The following EVA1A variants were observed in gnomAD, a reference collection of about 807,000 sequenced individuals.
EVA1A encodes the protein eva-1 homolog A, regulator of programmed cell death, also known as protein eva-1 homolog A.
Under a neutral mutation model 9.8 loss-of-function variants are expected in EVA1A, and 7 were observed. The observed-to-expected ratio is 0.71, with a 90% CI of 0.41 to 1.34. EVA1A has a LOEUF of 1.34. Ranked by LOEUF, EVA1A falls within the 40% of genes most tolerant of loss-of-function variation. EVA1A has a pLI of 0.01. For missense variants in EVA1A, 206 were observed against 205.9 expected, an observed-to-expected ratio of 1.00 and a Z score of 0.00; for synonymous variants, 90 against 85.6, an observed-to-expected ratio of 1.05 and a Z score of -0.28.
chr2:75,528,674 C>T (rs1675539621), intron 1 of EVA1A, among the ~76,000 whole-genome samples: 1 of 152,176 alleles, frequency 6.6e-6, no homozygotes, highest in Non-Finnish European at 1.5e-5. Context: ...ACCTGATGGT[C>T]TTTTTCTACC....
intron 3 of EVA1A, among the ~76,000 whole-genome samples, chr2:75,494,993 A>G (rs1202702054): frequency 1.3e-5 from 2 of 152,056 alleles, no homozygotes; most frequent in East Asian, 3.9e-4. Flanking sequence ...TCTTTGAGTG[A>G]ACAGTTTTCA....
At chr2:75,518,692 C>T in intron 2 of EVA1A, 2 of 987,436 alleles carry the variant, frequency 2.0e-6, no homozygotes, top group Non-Finnish European at 2.4e-6. Context: ...TGAGGCACAG[C>T]CCATCGGGTT....
In EVA1A at chr2:75,492,721, G is replaced by T. The variant is rs1191726142; in HGVS notation, c.*515C>A. ...TGAGGTGCCAGTTAAAATGGACGAG[G>T]TTGCCCTTGCAACACAAGATTTTAA... On this transcript the variant is annotated 3_prime_UTR_variant, in exon 4 of 4. Coordinates refer to ENST00000393913, the MANE Select transcript of EVA1A (RefSeq NM_001135032.2). The T allele has an allele frequency of 2.0e-5, 3 of 153,140 alleles. No homozygotes were observed. Among genetic ancestry groups the T allele is most frequent in the African/African-American group, 7.2e-5 (3 of 41,430 alleles). 9.5% of individuals were successfully genotyped at this position (153,140 alleles called of 1,614,324 possible).
chr2:75,511,038 T>A (rs80163980), intron 3 of EVA1A, among the ~76,000 whole-genome samples: 16 of 152,186 alleles, frequency 1.1e-4, no homozygotes, highest in African/African-American at 3.6e-4. Flanking sequence ...CCTGAAAATA[T>A]TTACTGTCTC....
At position 75,518,038 on chromosome 2, in the gene EVA1A, T is replaced by G; in HGVS notation, c.85+18A>C. ...GCCCCAGACCTCAGTCCTGGCCCAG[T>G]GGAAACCAGGCACCTACCTGAGACA... On this transcript the variant is annotated intron_variant, in intron 3 of 3. Transcript: ENST00000393913. 1 of 1,613,662 alleles carries G rather than the reference T, an allele frequency of 6.2e-7. No homozygotes were observed. The highest frequency in any genetic ancestry group is 8.5e-7 in the Non-Finnish European group (1 of 1,179,796).
In EVA1A at chr2:75,493,187, G is replaced by T; in HGVS notation, c.*49C>A. On this transcript the variant is annotated 3_prime_UTR_variant, in exon 4 of 4. Coordinates refer to ENST00000393913, the MANE Select transcript of EVA1A (RefSeq NM_001135032.2). ...CCTTGTGCCCACTGTCCCTGCAGACGCTCTCCTTTCCAGGCGGCCTCCAGT... is the reference window on the plus strand; with the variant it reads ...CCTTGTGCCCACTGTCCCTGCAGACTCTCTCCTTTCCAGGCGGCCTCCAGT... 2 of 1,559,742 alleles carry T rather than the reference G, an allele frequency of 1.3e-6. No individual in the cohort carries two copies. The highest frequency in any genetic ancestry group is 1.7e-6 in the Non-Finnish European group (2 of 1,153,328).
At chr2:75,562,769 T>C (rs1445576169), upstream of EVA1A, among the ~76,000 whole-genome samples, 1 of 152,236 alleles carries the variant, frequency 6.6e-6, no homozygotes, top group Non-Finnish European at 1.5e-5. Context: ...CGGGGTTTCC[T>C]GATGTAATAC....
rs550922775 is a variant in EVA1A at position 75,492,423 on chromosome 2, A to AAC, written c.*812_*813insGT. On this transcript the variant is annotated 3_prime_UTR_variant, in exon 4 of 4. Coordinates refer to ENST00000393913, the MANE Select transcript of EVA1A (RefSeq NM_001135032.2). The stretch of plus-strand genomic sequence containing the variant: ...TTTGAAATCCAATTAAAAAAAAAAA[A>AAC]AAAAACAAAGTGTTTAAAATCACAA... 7.2e-4 allele frequency: 109 copies of AAC among 152,110 alleles called. No individual in the cohort carries two copies. The East Asian group carries it at 0.018, about 25-fold the overall frequency. 9.4% of individuals were successfully genotyped at this position (152,110 alleles called of 1,614,324 possible). A position where few individuals can be genotyped will look rare whatever the true frequency, so the allele number is the denominator to read the frequency against.
At chr2:75,511,888 T>C (rs1346758203) in intron 3 of EVA1A, among the ~76,000 whole-genome samples, 1 of 151,914 alleles carries the variant, frequency 6.6e-6, no homozygotes, top group African/African-American at 2.4e-5. Flanking sequence ...AAATATATAG[T>C]ATGGTGGATG....
intron 3 of EVA1A, among the ~76,000 whole-genome samples, chr2:75,515,363 T>A (rs546770018): frequency 6.6e-6 from 1 of 152,306 alleles, no homozygotes; most frequent in Non-Finnish European, 1.5e-5. Flanking sequence ...GAGATTAAGG[T>A]ATGATGTGAA....
chr2:75,525,803 C>A (rs147626309), intron 1 of EVA1A, among the ~76,000 whole-genome samples: 3 of 152,320 alleles, frequency 2.0e-5, no homozygotes, highest in South Asian at 4.1e-4. Flanking sequence ...TCAAGACTTA[C>A]GTGGTGGTGG....
At chr2:75,519,884 A>ATC (rs1478453768) in intron 2 of EVA1A, among the ~76,000 whole-genome samples, 1 of 152,078 alleles carries the variant, frequency 6.6e-6, no homozygotes, top group East Asian at 1.9e-4. Flanking sequence ...TTTTGCAACA[A>ATC]TCTCCTACCT....
At chr2:75,535,730 A>G (rs929888810) in intron 1 of EVA1A, among the ~76,000 whole-genome samples, 1 of 152,150 alleles carries the variant, frequency 6.6e-6, no homozygotes, top group Non-Finnish European at 1.5e-5. Flanking sequence ...GAGCTAAGCT[A>G]TGGGTACACA....
At chr2:75,504,268 G>A (rs1674531650) in intron 3 of EVA1A, among the ~76,000 whole-genome samples, 1 of 152,054 alleles carries the variant, frequency 6.6e-6, no homozygotes, top group Admixed American at 6.5e-5. Flanking sequence ...AAAATTAGCT[G>A]GGCGTGGTGG....
intron 3 of EVA1A, among the ~76,000 whole-genome samples, chr2:75,517,504 T>G (rs1221678897): frequency 6.6e-6 from 1 of 152,120 alleles, no homozygotes; most frequent in Non-Finnish European, 1.5e-5. Flanking sequence ...GAGGAGAAAA[T>G]CAGCCATCTT....
chr2:75,540,984 G>A (rs1053052571), intron 1 of EVA1A: 6 of 152,198 alleles, frequency 3.9e-5, no homozygotes, highest in African/African-American at 7.2e-5. Flanking sequence ...CAAAGGTCCC[G>A]AGTGAGTACA....
rs145689873 is a variant in EVA1A at position 75,548,262 on chromosome 2, A to G, written c.-192+12418T>C. Among the ~76,000 whole-genome samples, 676 of 152,314 alleles carry G rather than the reference A, an allele frequency of 4.4e-3. 7 individuals carry two copies. The highest frequency in any genetic ancestry group is 0.016 in the African/African-American group (659 of 41,572). On this transcript the variant is annotated intron_variant, in intron 1 of 3. Transcript: ENST00000393913. ...ATTCTCCCACTTCAGCCTCCCAAACAGCTAGAATTACAGGCTCACATCACC... is the reference window on the plus strand; with the variant it reads ...ATTCTCCCACTTCAGCCTCCCAAACGGCTAGAATTACAGGCTCACATCACC...
rs184177916 is a variant in EVA1A at position 75,505,769 on chromosome 2, G to A, written c.86-12160C>T. Reference sequence around the variant, plus strand: ...GCAGAGGTTGCAGTGAGCCGAGATCGTGCCAATGCACTCCAGCCTGGAAGA... The same window carrying A: ...GCAGAGGTTGCAGTGAGCCGAGATCATGCCAATGCACTCCAGCCTGGAAGA... On this transcript the variant is annotated intron_variant, in intron 3 of 3. Coordinates refer to ENST00000393913, the MANE Select transcript of EVA1A (RefSeq NM_001135032.2). Among the ~76,000 whole-genome samples the A allele has an allele frequency of 1.3e-3, 198 of 151,976 alleles. 1 individual carries two copies. Among genetic ancestry groups the A allele is most frequent in the Non-Finnish European group, 1.7e-3 (118 of 67,980 alleles).
chr2:75,507,508 G>A (rs1197095298), intron 3 of EVA1A, among the ~76,000 whole-genome samples: 8 of 152,130 alleles, frequency 5.3e-5, no homozygotes, highest in Non-Finnish European at 1.5e-5. Flanking sequence ...GATAATCAGA[G>A]GGGGCCTCTG....
Sources: gnomAD v4.1 joint callset for allele counts (sites outside exome capture counted in the v4.1 genomes callset) on GRCh38, gnomAD v4.1.1 for gene constraint, MANE v1.5 for transcripts, NCBI Gene and HGNC (gene_info 2026-07-23, HGNC 2026-07-21) for gene names.